RBMS3: variants seen among roughly 807,000 people sequenced by gnomAD.
The protein encoded by RBMS3 is RNA-binding motif, single-stranded-interacting protein 3.
Under a neutral mutation model 66.8 loss-of-function variants are expected in RBMS3, and 27 were observed. That is an observed-to-expected ratio of 0.40 (90% CI 0.30 to 0.56). RBMS3 has a LOEUF of 0.56. RBMS3 is among the 20% of genes least tolerant of loss of function. The pLI, the probability that RBMS3 is intolerant of heterozygous loss-of-function variation, is 0.40. For synonymous variants in RBMS3, 188 were observed against 183.0 expected, an observed-to-expected ratio of 1.03 and a Z score of -0.22; for missense variants, 513 against 549.5, an observed-to-expected ratio of 0.93 and a Z score of 0.66.
intron 6 of RBMS3, chr3:29,767,325 C>G (rs992635377): frequency 6.6e-6 from 1 of 151,230 alleles, no homozygotes; most frequent in Non-Finnish European, 1.5e-5. Flanking sequence ...CCTGTAAGCA[C>G]GTGCTCCTAT....
At chr3:29,660,828 A>G (rs2050516303) in intron 4 of RBMS3, among the ~76,000 whole-genome samples, 1 of 152,172 alleles carries the variant, frequency 6.6e-6, no homozygotes, top group South Asian at 2.1e-4. Flanking sequence ...ATGCACAGAT[A>G]AAGAGAAAAA....
intron 6 of RBMS3, among the ~76,000 whole-genome samples, chr3:29,791,214 T>C (rs936925497): frequency 6.6e-6 from 1 of 152,230 alleles, no homozygotes; most frequent in African/African-American, 2.4e-5. Flanking sequence ...ACAGGTATTA[T>C]GTAAATACTG....
At chr3:29,857,576 AAAG>A (rs1212577184) in intron 6 of RBMS3, among the ~76,000 whole-genome samples, 1 of 150,728 alleles carries the variant, frequency 6.6e-6, no homozygotes, top group African/African-American at 2.4e-5. Flanking sequence ...AAAAAAAAAA[AAAG>A]GTTGTGCCCC....
At chr3:29,950,163 G>C (rs982153832) in intron 12 of RBMS3, among the ~76,000 whole-genome samples, 1 of 151,762 alleles carries the variant, frequency 6.6e-6, no homozygotes, top group Non-Finnish European at 1.5e-5. Context: ...GGTAAGCCTG[G>C]GATGGCTGGA....
chr3:29,481,643 T>G (rs181795659), intron 2 of RBMS3, among the ~76,000 whole-genome samples: 222 of 152,196 alleles, frequency 1.5e-3, no homozygotes, highest in Non-Finnish European at 1.7e-3. Context: ...TCTGAGCAAG[T>G]AACTAGGTAT....
chr3:29,493,300 T>C (rs2043619480), intron 3 of RBMS3, among the ~76,000 whole-genome samples: 1 of 152,194 alleles, frequency 6.6e-6, no homozygotes, highest in African/African-American at 2.4e-5. Flanking sequence ...AGGATCAGTG[T>C]GGTTATGACT....
intron 14 of RBMS3, among the ~76,000 whole-genome samples, chr3:29,997,898 T>C (rs377498455): frequency 6.6e-6 from 1 of 152,074 alleles, no homozygotes; most frequent in East Asian, 1.9e-4. Context: ...TATTCAACAT[T>C]GTGTTGGAAG....
At chr3:29,646,851 G>A (rs1255167159) in intron 4 of RBMS3, among the ~76,000 whole-genome samples, 4 of 152,086 alleles carry the variant, frequency 2.6e-5, no homozygotes, top group Admixed American at 6.5e-5. Context: ...CGTGATTTGG[G>A]TAAAGTGGAG....
intron 2 of RBMS3, among the ~76,000 whole-genome samples, chr3:29,456,778 T>A (rs2042206198): frequency 6.6e-6 from 1 of 152,160 alleles, no homozygotes; most frequent in Non-Finnish European, 1.5e-5. Context: ...AAATCAAGTG[T>A]TTGCATGTGA....
intron 1 of RBMS3, among the ~76,000 whole-genome samples, chr3:29,356,573 T>C (rs2037234079): frequency 6.6e-6 from 1 of 152,194 alleles, no homozygotes; most frequent in African/African-American, 2.4e-5. Flanking sequence ...ATCCTAAACA[T>C]TCTTGCCAAA....
intron 1 of RBMS3, among the ~76,000 whole-genome samples, chr3:29,287,916 T>A (rs2032496569): frequency 6.6e-6 from 1 of 151,488 alleles, no homozygotes; most frequent in Non-Finnish European, 1.5e-5. Context: ...TTGTTTTTAT[T>A]TTTTTTTATT....
At chr3:29,881,418 T>G (rs145537792) in intron 7 of RBMS3, among the ~76,000 whole-genome samples, 140 of 152,240 alleles carry the variant, frequency 9.2e-4, no homozygotes, top group African/African-American at 2.9e-3. Flanking sequence ...TTCACAACAA[T>G]CTGATGAGGT....
intron 3 of RBMS3, among the ~76,000 whole-genome samples, chr3:29,580,481 G>A (rs968030401): frequency 3.3e-5 from 5 of 151,780 alleles, no homozygotes; most frequent in South Asian, 2.1e-4. Context: ...CATACTATAC[G>A]GTATAAAATT....
At chr3:29,754,103 G>A (rs947450533) in intron 5 of RBMS3, among the ~76,000 whole-genome samples, 2 of 151,810 alleles carry the variant, frequency 1.3e-5, no homozygotes, top group Non-Finnish European at 2.9e-5. Flanking sequence ...GATTACAGGC[G>A]CCCACCACCA....
chr3:29,812,689 A>T (rs1051497181), intron 6 of RBMS3, among the ~76,000 whole-genome samples: 1 of 152,166 alleles, frequency 6.6e-6, no homozygotes, highest in Non-Finnish European at 1.5e-5. Flanking sequence ...AAGTATTAAG[A>T]TGGAAAATAG....
Position 29,962,017 on chromosome 3 carries a change from A to T in RBMS3, c.1098+17763A>T, listed in dbSNP as rs1239119825. Among the ~76,000 whole-genome samples the T allele has an allele frequency of 6.2e-5, 9 of 145,536 alleles. No individual in the cohort carries two copies. In the South Asian group the frequency reaches 1.1e-3, roughly 17 times the overall value. On this transcript the variant is annotated intron_variant, in intron 12 of 14. Transcript: ENST00000383767. Reference sequence around the variant, plus strand: ...TATAATATATATATTATATATTTTTATATATATTTTGTATGTATAATATAT... The same window carrying T: ...TATAATATATATATTATATATTTTTTTATATATTTTGTATGTATAATATAT...
chr3:29,300,169 C>T (rs116914791), intron 1 of RBMS3, among the ~76,000 whole-genome samples: 2 of 151,794 alleles, frequency 1.3e-5, no homozygotes, highest in Admixed American at 6.6e-5. Context: ...CCAGAGTAGA[C>T]GGAGATGTTG....
At position 29,536,364 on chromosome 3, in the gene RBMS3, T is replaced by A. The variant is rs536175253; in HGVS notation, c.307+47865T>A. ...AACATGCTAAATCAGCATGTATTAA[T>A]TTTTTTTCAGACTGGCCAAAAAAAA... On this transcript the variant is annotated intron_variant, in intron 3 of 14. Transcript: ENST00000383767. Among the ~76,000 whole-genome samples the A allele has an allele frequency of 3.0e-3, 450 of 152,184 alleles. 1 individual carries two copies. The highest frequency in any genetic ancestry group is 9.7e-3 in the African/African-American group (404 of 41,532).
At chr3:29,680,612 C>T (rs1238885929) in intron 4 of RBMS3, among the ~76,000 whole-genome samples, 2 of 152,150 alleles carry the variant, frequency 1.3e-5, no homozygotes, top group African/African-American at 2.4e-5. Flanking sequence ...ATTTCCCTAA[C>T]ATTTTATTAT....
Sources: allele counts gnomAD v4.1 joint callset (sites outside exome capture counted in the v4.1 genomes callset), GRCh38; gene constraint gnomAD v4.1.1; transcripts MANE v1.5; gene names NCBI Gene and HGNC (gene_info 2026-07-23, HGNC 2026-07-21).